The following UBR3 variants were observed in gnomAD, a reference collection of about 807,000 sequenced individuals.
The protein encoded by UBR3 is E3 ubiquitin-protein ligase UBR3.
A neutral mutation model predicts 243.2 loss-of-function variants in UBR3; 85 were observed. The ratio of observed to expected loss-of-function variants is 0.35; its 90% CI spans 0.29 to 0.42. UBR3 has a LOEUF of 0.42. UBR3 is among the 10% of genes least tolerant of loss of function. The pLI, the probability that UBR3 is intolerant of heterozygous loss-of-function variation, is 1.00. For missense variants in UBR3, 1,686 were observed against 2,300.8 expected, an observed-to-expected ratio of 0.73 and a Z score of 5.47; for synonymous variants, 748 against 799.8, an observed-to-expected ratio of 0.94 and a Z score of 1.09.
intron 11 of UBR3, among the ~76,000 whole-genome samples, chr2:169,914,847 CTTGTGT>C (rs770927525): frequency 7.0e-4 from 38 of 53,924 alleles, no homozygotes; most frequent in South Asian, 1.9e-3. Context: ...AATTTTATCT[CTTGTGT>C]GTGTGTGTGT....
intron 23 of UBR3, among the ~76,000 whole-genome samples, chr2:169,954,412 T>A (rs1297399812): frequency 4.6e-5 from 7 of 151,764 alleles, no homozygotes; most frequent in African/African-American, 1.5e-4. Flanking sequence ...GGCTAATTTT[T>A]AAAAATTATT....
chr2:169,828,110 G>T (rs939328071), intron 1 of UBR3, 58 bp downstream of exon 1: 2 of 1,341,620 alleles, frequency 1.5e-6, no homozygotes, highest in African/African-American at 3.1e-5. Context: ...TCGCGGGAGG[G>T]CCTGGAGCGG....
chr2:169,891,379 G>C (rs1039621059), intron 6 of UBR3, 148 bp downstream of exon 6: 5 of 550,372 alleles, frequency 9.1e-6, no homozygotes, highest in Non-Finnish European at 1.6e-5. Context: ...ATAAGTCTTG[G>C]AGAAAGTATT....
chr2:170,059,465 G>C (rs1432691294), intron 33 of UBR3, among the ~76,000 whole-genome samples: 3 of 152,116 alleles, frequency 2.0e-5, no homozygotes, highest in Non-Finnish European at 4.4e-5. Context: ...GGTAGTTTGA[G>C]TTTTCTACAA....
intron 32 of UBR3, among the ~76,000 whole-genome samples, chr2:170,053,554 ACT>A (rs2091269911): frequency 6.6e-6 from 1 of 151,994 alleles, no homozygotes; most frequent in Non-Finnish European, 1.5e-5. Flanking sequence ...TATGAGTATG[ACT>A]CTGTACTCAG....
rs10180026 is a variant in UBR3 at position 169,860,910 on chromosome 2, A to G, written c.546-11326A>G. ...AAAGTAGAGAAGCCGACACTGCAGC[A>G]CTCAGTCTGTGGCCACAGGCCCGAG... On this transcript the variant is annotated intron_variant, in intron 1 of 38. Transcript: ENST00000272793. Among the ~76,000 whole-genome samples the G allele has an allele frequency of 1.6e-4, 24 of 152,150 alleles. No homozygotes were observed. In the Middle Eastern group the frequency reaches 0.014, roughly 86 times the overall value.
chr2:169,919,660 G>A (rs1200228050), intron 11 of UBR3, among the ~76,000 whole-genome samples: 1 of 152,134 alleles, frequency 6.6e-6, no homozygotes, highest in Non-Finnish European at 1.5e-5. Context: ...GATATGAACA[G>A]ACACTTCTCA....
chr2:170,021,244 G>A (rs1241385607), intron 30 of UBR3, among the ~76,000 whole-genome samples: 1 of 152,074 alleles, frequency 6.6e-6, no homozygotes. Flanking sequence ...TGTGGATAAG[G>A]AGAAGGAGCA....
intron 24 of UBR3, among the ~76,000 whole-genome samples, chr2:169,963,354 G>A (rs763994655): frequency 6.6e-6 from 1 of 151,976 alleles, no homozygotes; most frequent in African/African-American, 2.4e-5. Flanking sequence ...GTAACTTTCC[G>A]ATATCACATA....
chr2:169,918,931 T>C (rs1299501411), intron 11 of UBR3, among the ~76,000 whole-genome samples: 1 of 152,196 alleles, frequency 6.6e-6, no homozygotes, highest in Non-Finnish European at 1.5e-5. Flanking sequence ...TTGATTCCTG[T>C]GCTTCTGTAA....
At chr2:169,922,822 A>T (rs911526246) in intron 11 of UBR3, among the ~76,000 whole-genome samples, 5 of 152,100 alleles carry the variant, frequency 3.3e-5, no homozygotes, top group African/African-American at 9.7e-5. Context: ...TATTAGAACA[A>T]ATTTTTATAG....
In UBR3 at chr2:169,835,680, A is replaced by G. The variant is rs76194976; in HGVS notation, c.545+7628A>G. Among the ~76,000 whole-genome samples the G allele has an allele frequency of 3.5e-3, 539 of 152,190 alleles. 3 individuals are homozygous for G. The highest frequency in any genetic ancestry group is 0.012 in the African/African-American group (514 of 41,536). On this transcript the variant is annotated intron_variant, in intron 1 of 38. Transcript: ENST00000272793. ...GGTCTGGAACTCCTGACCTCAGGCAATCCACCTGCCTTGGCCTCCCAAAGT... is the reference window on the plus strand; with the variant it reads ...GGTCTGGAACTCCTGACCTCAGGCAGTCCACCTGCCTTGGCCTCCCAAAGT...
chr2:169,974,186 A>C (rs893936285), intron 24 of UBR3, among the ~76,000 whole-genome samples: 1 of 152,190 alleles, frequency 6.6e-6, no homozygotes, highest in African/African-American at 2.4e-5. Context: ...CTTGCCTTGT[A>C]GAATGAGTTC....
chr2:170,055,407 TGAGTACAAAATATCTA>T, intron 32 of UBR3, 37 bp from the exon 33 acceptor site: 1 of 1,586,762 alleles, frequency 6.3e-7, no homozygotes, highest in Non-Finnish European at 8.6e-7. Flanking sequence ...AAAACTATGT[TGAGTACAAAATATCTA>T]GATTCCAAAG....
At chr2:169,877,428 AT>A in intron 3 of UBR3, 65 bp from the exon 4 acceptor site, 1 of 1,393,668 alleles carries the variant, frequency 7.2e-7, no homozygotes, top group East Asian at 2.5e-5. Context: ...ATACTAGTTA[AT>A]GAAAAGACCA....
At chr2:169,881,950 G>GTATACATACA (rs2083872434) in intron 5 of UBR3, among the ~76,000 whole-genome samples, 1 of 118,860 alleles carries the variant, frequency 8.4e-6, no homozygotes, top group African/African-American at 3.1e-5. Context: ...AATTACATAT[G>GTATACATACA]TATGTATACA....
chr2:169,893,440 A>T (rs1364971648), intron 6 of UBR3, among the ~76,000 whole-genome samples: 2 of 152,246 alleles, frequency 1.3e-5, no homozygotes, highest in East Asian at 3.8e-4. Flanking sequence ...CTTTGTAAAT[A>T]CATTAAGAAG....
rs1559069152 is a variant in UBR3 at position 169,895,181 on chromosome 2, A to C, written c.1106A>C (p.Asp369Ala). 6.6e-7 allele frequency: 1 copy of C among 1,514,146 alleles called. No individual in the cohort carries two copies. Among genetic ancestry groups the C allele is most frequent in the East Asian group, 2.5e-5 (1 of 40,318 alleles). 93.8% of individuals were successfully genotyped at this position (1,514,146 alleles called of 1,614,324 possible). A position where few individuals can be genotyped will look rare whatever the true frequency, so the allele number is the denominator to read the frequency against. The change falls in exon 7 of 39, where the codon GAT (aspartate) becomes GCT (alanine). Residue 369 changes from aspartate (D) to alanine (A), a missense_variant and splice_region_variant. By Grantham distance (126) the Asp-to-Ala change is moderately radical. Around this residue, in one of 8 missense-constraint regions of UBR3, gnomAD observed 200 missense variants for 231.6 expected, o/e 0.86. Coordinates refer to ENST00000272793, the MANE Select transcript of UBR3 (RefSeq NM_172070.4). Reference sequence around the variant, plus strand: ...GATAAATTTCATTTTTCATGTGCAGATCAATCCATAATGGATGTTTTGAAG... The same window carrying C: ...GATAAATTTCATTTTTCATGTGCAGCTCAATCCATAATGGATGTTTTGAAG... ...KRVKLSSGTKDQSIMDVLKHK... is the reference protein window; with the variant it reads ...KRVKLSSGTKAQSIMDVLKHK...
At chr2:169,939,460 G>T (rs1257070860) in intron 19 of UBR3, among the ~76,000 whole-genome samples, 5 of 150,118 alleles carry the variant, frequency 3.3e-5, no homozygotes, top group Middle Eastern at 3.4e-3. Context: ...GTAGAGACAG[G>T]CCTTCACCAT....
Sources: gnomAD v4.1 joint callset for allele counts (sites outside exome capture counted in the v4.1 genomes callset) on GRCh38, gnomAD v4.1.1 for gene constraint, gnomAD v4.1.1 regional missense constraint, MANE v1.5 for transcripts, NCBI Gene and HGNC (gene_info 2026-07-23, HGNC 2026-07-21) for gene names.